Variants in CAMK1D observed in about 807,000 individuals in gnomAD.
The protein encoded by CAMK1D is calcium/calmodulin-dependent protein kinase type 1D.
A neutral mutation model predicts 47.7 loss-of-function variants in CAMK1D; 9 were observed. The ratio of observed to expected loss-of-function variants is 0.19; its 90% CI spans 0.11 to 0.33. The LOEUF is 0.33. CAMK1D is among the 10% of genes least tolerant of loss of function. The probability of loss-of-function intolerance (pLI) is 1.00; values close to 1 mark genes in which losing one functional copy is unlikely to be tolerated. For missense variants in CAMK1D, 291 were observed against 488.7 expected (o/e 0.60, Z 3.81); for synonymous variants, 184 against 184.9 (o/e 0.99, Z 0.04).
rs535214333 is a variant in CAMK1D at position 12,595,342 on chromosome 10, G to GAA, written c.224+42007_224+42008dup. Among the ~76,000 whole-genome samples, 9 of 23,560 alleles carry GAA rather than the reference G, an allele frequency of 3.8e-4. 3 individuals are homozygous for GAA. The highest frequency in any genetic ancestry group is 5.6e-4 in the Non-Finnish European group (8 of 14,354). The allele number at this position is 23,560 out of a possible 152,430, so 15.5% of individuals were successfully genotyped here. A position where few individuals can be genotyped will look rare whatever the true frequency, so the allele number is the denominator to read the frequency against. On this transcript the variant is annotated intron_variant, in intron 2 of 10. Transcript: ENST00000619168. Reference sequence around the variant, plus strand: ...GGGCAACAAGAGTGAAACTCCATCTGAAAAAAAAAAAAAAAAAAAAAAGGA... The same window carrying GAA: ...GGGCAACAAGAGTGAAACTCCATCTGAAAAAAAAAAAAAAAAAAAAAAAAGGA...
intron 8 of CAMK1D, among the ~76,000 whole-genome samples, chr10:12,820,609 TC>T (rs1333063565): frequency 1.3e-5 from 2 of 151,984 alleles, no homozygotes; most frequent in Non-Finnish European, 2.9e-5. Flanking sequence ...CCACACTTGC[TC>T]TTCTGACTTC....
At position 12,420,204 on chromosome 10, in the gene CAMK1D, C is replaced by T. The variant is rs146866602; in HGVS notation, c.92+70294C>T. On this transcript the variant is annotated intron_variant, in intron 1 of 10. Coordinates refer to ENST00000619168, the MANE Select transcript of CAMK1D (RefSeq NM_153498.4). ...TGAACTCCTGACCTTGTGATCTGTCCGTCTCGGCCTCCCAAAGTGCTGGGA... is the reference window on the plus strand; with the variant it reads ...TGAACTCCTGACCTTGTGATCTGTCTGTCTCGGCCTCCCAAAGTGCTGGGA... Among the ~76,000 whole-genome samples the T allele has an allele frequency of 7.7e-3, 1,176 of 152,248 alleles. 11 individuals carry two copies. The highest frequency in any genetic ancestry group is 0.013 in the Non-Finnish European group (862 of 68,028).
At chr10:12,699,080 C>A (rs1415090942) in intron 3 of CAMK1D, among the ~76,000 whole-genome samples, 2 of 152,052 alleles carry the variant, frequency 1.3e-5, no homozygotes, top group East Asian at 1.9e-4. Flanking sequence ...CCCCAAATTG[C>A]CCTTGTGTGA....
chr10:12,779,474 G>C (rs571550993), intron 5 of CAMK1D, among the ~76,000 whole-genome samples: 2 of 152,126 alleles, frequency 1.3e-5, no homozygotes, highest in South Asian at 4.2e-4. Context: ...CTGTCCCCCA[G>C]GCTGGAGTGC....
At chr10:12,619,316 G>A (rs1018860114) in intron 2 of CAMK1D, among the ~76,000 whole-genome samples, 1 of 151,804 alleles carries the variant, frequency 6.6e-6, no homozygotes, top group Non-Finnish European at 1.5e-5. Context: ...TTTGAGACGG[G>A]GTCTTGCTCT....
At chr10:12,495,216 G>A (rs1037071657) in intron 1 of CAMK1D, among the ~76,000 whole-genome samples, 6 of 152,256 alleles carry the variant, frequency 3.9e-5, no homozygotes, top group East Asian at 1.9e-4. Context: ...GTTGCCTCAG[G>A]TAAAGCCCGT....
intron 1 of CAMK1D, among the ~76,000 whole-genome samples, chr10:12,455,332 C>G (rs1375331405): frequency 3.3e-5 from 5 of 152,152 alleles, no homozygotes. Context: ...CCACCACACC[C>G]AGCTAATTTT....
chr10:12,751,512 T>C (rs1160079537), intron 3 of CAMK1D, among the ~76,000 whole-genome samples: 1 of 152,190 alleles, frequency 6.6e-6, no homozygotes, highest in African/African-American at 2.4e-5. Context: ...GAGGCAGGCA[T>C]TGCCCTGCCT....
intron 1 of CAMK1D, among the ~76,000 whole-genome samples, chr10:12,457,213 A>T (rs1833277537): frequency 6.6e-6 from 1 of 152,106 alleles, no homozygotes; most frequent in African/African-American, 2.4e-5. Context: ...CAACATGGTG[A>T]AAGCCTGTGT....
chr10:12,401,093 TA>T (rs1312724081), intron 1 of CAMK1D, among the ~76,000 whole-genome samples: 2 of 84,468 alleles, frequency 2.4e-5, no homozygotes, highest in African/African-American at 5.3e-5. Flanking sequence ...GTATTATATA[TA>T]TTATATATAT....
chr10:12,711,886 C>A (rs1416331757), intron 3 of CAMK1D, among the ~76,000 whole-genome samples: 6 of 152,198 alleles, frequency 3.9e-5, no homozygotes, highest in African/African-American at 1.4e-4. Context: ...AAATAAAATT[C>A]TGTCCTTATA....
chr10:12,513,508 CG>C (rs1835100322), intron 1 of CAMK1D, among the ~76,000 whole-genome samples: 1 of 152,014 alleles, frequency 6.6e-6, no homozygotes. Flanking sequence ...TTAATTAGGC[CG>C]GGCGTGGTGA....
intron 2 of CAMK1D, among the ~76,000 whole-genome samples, chr10:12,663,549 T>G (rs1192294643): frequency 6.6e-6 from 1 of 152,146 alleles, no homozygotes; most frequent in African/African-American, 2.4e-5. Context: ...TGAGACAGGC[T>G]GTCTGAGAAG....
intron 1 of CAMK1D, among the ~76,000 whole-genome samples, chr10:12,445,979 A>G (rs1201344461): frequency 2.0e-5 from 3 of 152,226 alleles, no homozygotes; most frequent in Non-Finnish European, 4.4e-5. Context: ...AGCGAGGGAA[A>G]TAAAGGTATT....
At chr10:12,458,690 C>T (rs887367058) in intron 1 of CAMK1D, among the ~76,000 whole-genome samples, 2 of 152,164 alleles carry the variant, frequency 1.3e-5, no homozygotes, top group African/African-American at 2.4e-5. Context: ...GCCTCAGCCT[C>T]CTAAAGTGTC....
intron 2 of CAMK1D, among the ~76,000 whole-genome samples, chr10:12,615,853 G>A (rs1310283078): frequency 1.4e-5 from 1 of 72,250 alleles, no homozygotes; most frequent in Non-Finnish European, 3.6e-5. Context: ...TATAGGTGTA[G>A]GTGTGTATGC....
intron 1 of CAMK1D, among the ~76,000 whole-genome samples, chr10:12,403,669 G>A (rs577404887): frequency 7.2e-5 from 11 of 152,226 alleles, no homozygotes; most frequent in Non-Finnish European, 1.3e-4. Context: ...AAACCTCCCT[G>A]TTAATGCATT....
intron 2 of CAMK1D, among the ~76,000 whole-genome samples, chr10:12,658,714 T>G (rs949387288): frequency 6.6e-6 from 1 of 151,980 alleles, no homozygotes; most frequent in Non-Finnish European, 1.5e-5. Flanking sequence ...CAGAAGGACG[T>G]GGAGTTTGGC....
chr10:12,454,884 C>T (rs539515093), intron 1 of CAMK1D, among the ~76,000 whole-genome samples: 43 of 152,318 alleles, frequency 2.8e-4, no homozygotes, highest in African/African-American at 9.9e-4. Flanking sequence ...AGCTGTTCTC[C>T]TACATTCTCA....
Sources: allele counts gnomAD v4.1 joint callset (sites outside exome capture counted in the v4.1 genomes callset), GRCh38; gene constraint gnomAD v4.1.1; transcripts MANE v1.5; gene names NCBI Gene and HGNC (gene_info 2026-07-23, HGNC 2026-07-21).